The following LRBA variants were observed in gnomAD, a reference collection of about 807,000 sequenced individuals.
LRBA encodes the protein LPS responsive beige-like anchor protein, also known as lipopolysaccharide-responsive and beige-like anchor protein.
In LRBA, 176 loss-of-function variants were observed where a neutral mutation model predicts 330.0. The ratio of observed to expected loss-of-function variants is 0.53; its 90% confidence interval spans 0.47 to 0.60. The LOEUF (loss-of-function observed/expected upper bound fraction) is 0.60, where lower values mean the gene tolerates loss of function less well. LRBA is among the 20% of genes least tolerant of loss of function. LRBA has a pLI of 0.00. For synonymous variants in LRBA, 1,230 were observed against 1,193.0 expected (o/e 1.03, Z -0.64); for missense variants, 3,259 against 3,444.8 (o/e 0.95, Z 1.35).
chr4:150,381,979 A>G (rs1742334695), intron 47 of LRBA, among the ~76,000 whole-genome samples: 1 of 152,192 alleles, frequency 6.6e-6, no homozygotes, highest in South Asian at 2.1e-4. Flanking sequence ...GTCTATTCAA[A>G]TCCTTTGCCC....
At chr4:150,761,012 C>T (rs1735005274) in intron 35 of LRBA, among the ~76,000 whole-genome samples, 1 of 152,122 alleles carries the variant, frequency 6.6e-6, no homozygotes, top group Admixed American at 6.6e-5. Flanking sequence ...CTTCCAACAA[C>T]ATTACCTAAA....
At chr4:150,724,156 G>A (rs1729339947) in intron 36 of LRBA, among the ~76,000 whole-genome samples, 1 of 152,162 alleles carries the variant, frequency 6.6e-6, no homozygotes, top group African/African-American at 2.4e-5. Context: ...AAGAAACTGG[G>A]GCAAGACCTA....
At chr4:150,624,064 G>A (rs189074665) in intron 37 of LRBA, among the ~76,000 whole-genome samples, 24 of 152,116 alleles carry the variant, frequency 1.6e-4, no homozygotes, top group South Asian at 6.2e-4. Flanking sequence ...TTTTCATTTC[G>A]TAAACATATT....
chr4:150,454,979 ATTT>A (rs869198244), intron 44 of LRBA, among the ~76,000 whole-genome samples: 2 of 58,344 alleles, frequency 3.4e-5, no homozygotes, highest in African/African-American at 4.5e-5. Flanking sequence ...TTTATTTTTT[ATTT>A]TTTTTATTAT....
chr4:150,967,220 T>C (rs919727241), intron 2 of LRBA, among the ~76,000 whole-genome samples: 5 of 152,238 alleles, frequency 3.3e-5, no homozygotes, highest in African/African-American at 4.8e-5. Context: ...CTCAAGACCA[T>C]TTTAACTATG....
chr4:150,956,904 T>A (rs142709788), intron 2 of LRBA, among the ~76,000 whole-genome samples: 1 of 149,336 alleles, frequency 6.7e-6, no homozygotes, highest in East Asian at 1.9e-4. Context: ...ACAGCTAACA[T>A]CATACTTAAT....
At chr4:150,334,832 T>C (rs1342621274) in intron 48 of LRBA, among the ~76,000 whole-genome samples, 10 of 19,236 alleles carry the variant, frequency 5.2e-4, no homozygotes, top group African/African-American at 1.4e-3. Context: ...TTTGTCTTGG[T>C]TTTTTTTTTT....
chr4:150,636,089 C>T (rs1581877352), intron 37 of LRBA, among the ~76,000 whole-genome samples: 1 of 151,298 alleles, frequency 6.6e-6, no homozygotes, highest in East Asian at 1.9e-4. Flanking sequence ...AAAGGAAGCA[C>T]ATGGTTTCAG....
At chr4:150,267,031 G>C (rs1214204484) in intron 56 of LRBA, among the ~76,000 whole-genome samples, 1 of 152,094 alleles carries the variant, frequency 6.6e-6, no homozygotes, top group Non-Finnish European at 1.5e-5. Context: ...TTTATCATCA[G>C]ACCCCCAAGA....
In LRBA at chr4:150,588,053, G is replaced by C. The variant is rs781045122; in HGVS notation, c.6325C>G (p.Pro2109Ala). 6.2e-7 allele frequency: 1 copy of C among 1,611,068 alleles called. No homozygotes were observed. Among genetic ancestry groups the C allele is most frequent in the African/African-American group, 1.3e-5 (1 of 74,688 alleles). Residue 2109 changes from proline (P) to alanine (A), a missense_variant, in exon 40 of 57, where the codon CCC (proline) becomes GCC (alanine). Transcript: ENST00000651943. The stretch of plus-strand genomic sequence containing the variant: ...AAACCCCTTCATCTTCTCACCTTGG[G>C]GTCGATTTTTTTGAAGTTAGGATCC... Reference protein sequence around the residue: ...EEDPNFKKIDPKILAYTEGLH... With the variant: ...EEDPNFKKIDAKILAYTEGLH...
chr4:150,280,865 A>G (rs543401376), intron 55 of LRBA, among the ~76,000 whole-genome samples: 1 of 152,326 alleles, frequency 6.6e-6, no homozygotes, highest in South Asian at 2.1e-4. Flanking sequence ...TGCTCATTTT[A>G]GGCAAGCTCG....
intron 34 of LRBA, among the ~76,000 whole-genome samples, chr4:150,781,648 G>A (rs1738244137): frequency 6.6e-6 from 1 of 152,102 alleles, no homozygotes; most frequent in East Asian, 1.9e-4. Context: ...TTGATAACTT[G>A]GTTTTGCCCC....
At chr4:150,988,946 T>TG (rs1007397331) in intron 2 of LRBA, among the ~76,000 whole-genome samples, 1 of 151,134 alleles carries the variant, frequency 6.6e-6, no homozygotes, top group African/African-American at 2.4e-5. Flanking sequence ...AAATTGGGGG[T>TG]GGGGGGGACA....
intron 33 of LRBA, among the ~76,000 whole-genome samples, chr4:150,799,522 A>T (rs967329736): frequency 1.3e-5 from 2 of 152,348 alleles, no homozygotes; most frequent in East Asian, 3.9e-4. Flanking sequence ...ATTTCCAGAA[A>T]GTAAATTCAG....
chr4:150,938,094 G>T (rs1043487705), intron 2 of LRBA, among the ~76,000 whole-genome samples: 1 of 148,934 alleles, frequency 6.7e-6, no homozygotes, highest in African/African-American at 2.5e-5. Context: ...AAAAAAAAAA[G>T]GACAGGGTGT....
chr4:150,748,608 A>G (rs566122317), intron 35 of LRBA, among the ~76,000 whole-genome samples: 2 of 151,824 alleles, frequency 1.3e-5, no homozygotes, highest in Non-Finnish European at 2.9e-5. Context: ...CAGAGGTTGC[A>G]GTGAGCTGAG....
chr4:150,836,097 T>C (rs1748018365), intron 28 of LRBA, among the ~76,000 whole-genome samples: 1 of 152,194 alleles, frequency 6.6e-6, no homozygotes, highest in Admixed American at 6.5e-5. Context: ...ATATGCTGGA[T>C]TACGTTTATT....
At chr4:150,559,893 A>T (rs1192292737) in intron 40 of LRBA, among the ~76,000 whole-genome samples, 8 of 53,982 alleles carry the variant, frequency 1.5e-4, no homozygotes, top group East Asian at 5.1e-4. Flanking sequence ...AATTATATAT[A>T]ATTATATATA....
chr4:150,774,106 T>C (rs1736943270), intron 34 of LRBA, among the ~76,000 whole-genome samples: 1 of 152,224 alleles, frequency 6.6e-6, no homozygotes, highest in Non-Finnish European at 1.5e-5. Context: ...CTCCATTTTA[T>C]ATTTCATGGA....
Sources: allele counts gnomAD v4.1 joint callset (sites outside exome capture counted in the v4.1 genomes callset), GRCh38; gene constraint gnomAD v4.1.1; transcripts MANE v1.5; gene names NCBI Gene and HGNC (gene_info 2026-07-23, HGNC 2026-07-21).